CTDSPL2: variants seen among roughly 807,000 people sequenced by gnomAD.
CTDSPL2 encodes CTD small phosphatase-like protein 2.
CTDSPL2 carries 5 observed loss-of-function variants against 60.0 expected under a neutral mutation model. That is an observed-to-expected ratio of 0.08 (90% CI 0.04 to 0.18). CTDSPL2 has a LOEUF of 0.18. Among genes scored for constraint, CTDSPL2 ranks in the 10% least tolerant of loss-of-function variants. The pLI, the probability that CTDSPL2 is intolerant of heterozygous loss-of-function variation, is 1.00. For missense variants in CTDSPL2, 370 were observed against 548.8 expected (o/e 0.67, Z 3.26); for synonymous variants, 186 against 189.3 (o/e 0.98, Z 0.14).
At chr15:44,518,940 C>T in intron 10 of CTDSPL2, 1 of 288,226 alleles carries the variant, frequency 3.5e-6, no homozygotes, top group Non-Finnish European at 6.4e-6. Context: ...GGGATAAACT[C>T]AAGTTCTTTA....
chr15:44,502,763 GT>G (rs1248944248), intron 8 of CTDSPL2, among the ~76,000 whole-genome samples: 1 of 152,132 alleles, frequency 6.6e-6, no homozygotes. Flanking sequence ...TCTTGTAAAT[GT>G]ATGTAGAAAA....
At chr15:44,488,065 A>C (rs2081151405) in intron 4 of CTDSPL2, among the ~76,000 whole-genome samples, 1 of 151,226 alleles carries the variant, frequency 6.6e-6, no homozygotes, top group Non-Finnish European at 1.5e-5. Context: ...AGCTGAGATC[A>C]TGCCACTGCA....
chr15:44,507,157 T>C (rs2081483493), intron 8 of CTDSPL2, among the ~76,000 whole-genome samples: 1 of 151,962 alleles, frequency 6.6e-6, no homozygotes, highest in Non-Finnish European at 1.5e-5. Context: ...CCATCTCAGC[T>C]CACTGCAACC....
intron 1 of CTDSPL2, 124 bp from the exon 2 acceptor site, chr15:44,458,867 A>G (rs577670023): frequency 2.2e-5 from 11 of 504,438 alleles, no homozygotes; most frequent in East Asian, 1.8e-4. Context: ...AGTCTCCTAG[A>G]GTCTAGGACT....
chr15:44,444,731 G>GT (rs200048188), intron 1 of CTDSPL2, among the ~76,000 whole-genome samples: 1,079 of 105,364 alleles, frequency 0.01, 8 homozygotes, highest in East Asian at 0.014. Context: ...AAGGTAAGTA[G>GT]TTTTTTTTTT....
intron 10 of CTDSPL2, among the ~76,000 whole-genome samples, chr15:44,518,275 G>GA (rs1276837951): frequency 6.6e-6 from 1 of 152,050 alleles, no homozygotes; most frequent in African/African-American, 2.4e-5. Flanking sequence ...CTTCAAGGTA[G>GA]AAAAAAATTA....
At chr15:44,496,616 CTT>C (rs2081304847) in intron 6 of CTDSPL2, among the ~76,000 whole-genome samples, 158 bp downstream of exon 6, 1 of 152,088 alleles carries the variant, frequency 6.6e-6, no homozygotes, top group Non-Finnish European at 1.5e-5. Context: ...CATCCCAGCA[CTT>C]TGAGAGACCC....
At chr15:44,434,210 G>A (rs1392349191) in intron 1 of CTDSPL2, among the ~76,000 whole-genome samples, 1 of 151,530 alleles carries the variant, frequency 6.6e-6, no homozygotes, top group Non-Finnish European at 1.5e-5. Context: ...GATCATCCTG[G>A]CCAACATGGC....
intron 2 of CTDSPL2, among the ~76,000 whole-genome samples, chr15:44,476,548 G>A (rs768116241): frequency 2.8e-4 from 43 of 152,188 alleles, no homozygotes; most frequent in East Asian, 7.7e-4. Context: ...GTTTAGGTCA[G>A]CATGGACCAC....
At chr15:44,519,446 A>T in intron 11 of CTDSPL2, 151 bp downstream of exon 11, 1 of 731,478 alleles carries the variant, frequency 1.4e-6, no homozygotes, top group Non-Finnish European at 2.1e-6. Context: ...AGAAATGACA[A>T]AGTGGTATAT....
rs1233281491 is a variant in CTDSPL2, at chr15:44,523,236, A to T, written c.1336-873A>T. On this transcript the variant is annotated intron_variant, in intron 12 of 12. Coordinates refer to ENST00000260327, the MANE Select transcript of CTDSPL2 (RefSeq NM_016396.3). ...GATCTCGAACTCCTGACCTCAGGTAATCTACCTGCGTTGGCTTCCCAAAGT... is the reference window on the plus strand; with the variant it reads ...GATCTCGAACTCCTGACCTCAGGTATTCTACCTGCGTTGGCTTCCCAAAGT... 3.3e-5 allele frequency among the ~76,000 whole-genome samples: 5 copies of T among 152,238 alleles called. No homozygotes were observed. The East Asian group carries it at 9.7e-4, about 29-fold the overall frequency.
At chr15:44,508,069 C>G (rs553433866) in intron 8 of CTDSPL2, among the ~76,000 whole-genome samples, 1 of 151,742 alleles carries the variant, frequency 6.6e-6, no homozygotes, top group South Asian at 2.1e-4. Flanking sequence ...TTAATTGTAG[C>G]ATCTCATTCT....
intron 2 of CTDSPL2, among the ~76,000 whole-genome samples, chr15:44,482,008 C>G (rs1336944840): frequency 6.6e-6 from 1 of 152,244 alleles, no homozygotes; most frequent in Non-Finnish European, 1.5e-5. Flanking sequence ...AGCAGCCCTG[C>G]TGGCTTAAAG....
chr15:44,519,805 T>C (rs1007593905), intron 11 of CTDSPL2: 38 of 153,488 alleles, frequency 2.5e-4, no homozygotes, highest in African/African-American at 8.9e-4. Flanking sequence ...GTTTCACTCT[T>C]GTTGCCCAAA....
chr15:44,515,382 C>G (rs1367142056), intron 10 of CTDSPL2, among the ~76,000 whole-genome samples: 1 of 152,062 alleles, frequency 6.6e-6, no homozygotes, highest in East Asian at 1.9e-4. Context: ...GTGCCCTGAG[C>G]CAGCAGATGC....
chr15:44,443,881 T>C (rs895392557), intron 1 of CTDSPL2, among the ~76,000 whole-genome samples: 1 of 152,178 alleles, frequency 6.6e-6, no homozygotes, highest in African/African-American at 2.4e-5. Context: ...CTGTTGATAG[T>C]GTACTTTGAT....
chr15:44,473,504 T>C (rs1338788110), intron 2 of CTDSPL2, among the ~76,000 whole-genome samples: 3 of 150,210 alleles, frequency 2.0e-5, no homozygotes, highest in Non-Finnish European at 4.4e-5. Context: ...ACCGTGTTAG[T>C]CAGAATGGTC....
intron 2 of CTDSPL2, among the ~76,000 whole-genome samples, chr15:44,475,365 G>A (rs1339142845): frequency 6.6e-6 from 1 of 152,132 alleles, no homozygotes; most frequent in Admixed American, 6.5e-5. Context: ...CAGGCCGGGC[G>A]TGGTGGCTCA....
intron 1 of CTDSPL2, among the ~76,000 whole-genome samples, chr15:44,433,061 A>G (rs2141255051): frequency 6.6e-6 from 1 of 151,954 alleles, no homozygotes. Flanking sequence ...CATGATTGTA[A>G]TCCCAGCACT....
Sources: gnomAD v4.1 joint callset for allele counts (sites outside exome capture counted in the v4.1 genomes callset) on GRCh38, gnomAD v4.1.1 for gene constraint, MANE v1.5 for transcripts, NCBI Gene and HGNC (gene_info 2026-07-23, HGNC 2026-07-21) for gene names.